ADAMTSL1: variants seen among roughly 807,000 people sequenced by gnomAD.
ADAMTSL1 encodes the protein ADAMTS like 1.
ADAMTSL1 carries 126 observed loss-of-function variants against 201.8 expected under a neutral mutation model. The ratio of observed to expected loss-of-function variants is 0.62; its 90% confidence interval spans 0.54 to 0.72. The LOEUF (loss-of-function observed/expected upper bound fraction) is 0.72. Ranked by LOEUF, ADAMTSL1 falls within the 30% of genes least tolerant of loss-of-function variation. The pLI is 0.00. For synonymous variants in ADAMTSL1, 1,121 were observed against 903.4 expected, an observed-to-expected ratio of 1.24 and a Z score of -4.32; for missense variants, 2,679 against 2,277.8, an observed-to-expected ratio of 1.18 and a Z score of -3.59.
intron 1 of ADAMTSL1, among the ~76,000 whole-genome samples, chr9:18,038,328 C>A (rs1312910051): frequency 6.6e-6 from 1 of 152,100 alleles, no homozygotes; most frequent in Non-Finnish European, 1.5e-5. Context: ...ATGGTCCATT[C>A]TCTCTATACT....
chr9:18,559,241 C>A (rs942107871), intron 3 of ADAMTSL1, among the ~76,000 whole-genome samples: 3 of 152,080 alleles, frequency 2.0e-5, no homozygotes, highest in African/African-American at 7.2e-5. Flanking sequence ...CCTGTTTTCC[C>A]AACACCATTT....
chr9:18,743,383 G>A lies in ADAMTSL1; in HGVS notation c.2007-9915G>A, dbSNP rs1007120124. ...TGAGATGGTAAATGTATATCTTGCT[G>A]CAAGTGCCATTTTTTTCAAGAGCTA... On this transcript the variant is annotated intron_variant, in intron 15 of 28. Coordinates refer to ENST00000380548, the MANE Select transcript of ADAMTSL1 (RefSeq NM_001040272.6). 1.3e-4 allele frequency among the ~76,000 whole-genome samples: 20 copies of A among 152,192 alleles called. 1 individual carries two copies. The highest frequency in any genetic ancestry group is 4.8e-4 in the African/African-American group (20 of 41,444).
At chr9:17,959,768 A>G (rs1817659918) in intron 1 of ADAMTSL1, among the ~76,000 whole-genome samples, 1 of 152,130 alleles carries the variant, frequency 6.6e-6, no homozygotes, top group African/African-American at 2.4e-5. Flanking sequence ...GACATTTTTT[A>G]GAAAAGTATA....
chr9:18,540,529 T>C (rs941685154), intron 3 of ADAMTSL1, among the ~76,000 whole-genome samples: 3 of 152,088 alleles, frequency 2.0e-5, no homozygotes, highest in Admixed American at 6.6e-5. Flanking sequence ...GGCCTGTGGG[T>C]CATTTTATCA....
chr9:18,380,976 G>C (rs888337991), intron 2 of ADAMTSL1, among the ~76,000 whole-genome samples: 7 of 152,282 alleles, frequency 4.6e-5, no homozygotes, highest in Non-Finnish European at 1.0e-4. Flanking sequence ...TGTGGGTAGC[G>C]TGTGTCTCCT....
chr9:17,948,184 C>G (rs1392624583), intron 1 of ADAMTSL1, among the ~76,000 whole-genome samples: 3 of 152,102 alleles, frequency 2.0e-5, no homozygotes, highest in Non-Finnish European at 2.9e-5. Flanking sequence ...CAAAGCATTA[C>G]CAAAAAATAA....
intron 20 of ADAMTSL1, among the ~76,000 whole-genome samples, chr9:18,809,568 T>C (rs1483275839): frequency 6.6e-6 from 1 of 152,176 alleles, no homozygotes; most frequent in African/African-American, 2.4e-5. Flanking sequence ...AGCAGGTGGA[T>C]CACCTGAGGT....
chr9:18,893,559 G>C (rs1829430040), intron 26 of ADAMTSL1, among the ~76,000 whole-genome samples: 1 of 152,200 alleles, frequency 6.6e-6, no homozygotes, highest in African/African-American at 2.4e-5. Context: ...GTCTGAGGTA[G>C]AACTGGGGAT....
intron 1 of ADAMTSL1, among the ~76,000 whole-genome samples, chr9:18,149,481 C>T (rs1826811262): frequency 6.6e-6 from 1 of 151,960 alleles, no homozygotes; most frequent in Non-Finnish European, 1.5e-5. Context: ...AAAAGTGGTA[C>T]AATTTAGTAC....
intron 5 of ADAMTSL1, among the ~76,000 whole-genome samples, chr9:18,623,243 C>CAAAAAAA (rs11313686): frequency 7.1e-6 from 1 of 140,736 alleles, no homozygotes; most frequent in Non-Finnish European, 1.5e-5. Flanking sequence ...TCAATACTAG[C>CAAAAAAA]AAAAAAAAAA....
chr9:18,017,617 C>T (rs985499044), intron 1 of ADAMTSL1, among the ~76,000 whole-genome samples: 1 of 151,954 alleles, frequency 6.6e-6, no homozygotes, highest in African/African-American at 2.4e-5. Flanking sequence ...GTTGGAAATC[C>T]TGTCTTTAGA....
intron 1 of ADAMTSL1, among the ~76,000 whole-genome samples, chr9:17,936,797 C>A (rs1178129006): frequency 6.6e-6 from 1 of 152,172 alleles, no homozygotes; most frequent in Admixed American, 6.5e-5. Context: ...CTGCTTTACT[C>A]CCCTTCCACA....
intron 1 of ADAMTSL1, among the ~76,000 whole-genome samples, chr9:18,154,937 G>C (rs1461566608): frequency 6.6e-6 from 1 of 151,960 alleles, no homozygotes; most frequent in Non-Finnish European, 1.5e-5. Flanking sequence ...TCCTGATTTT[G>C]TGTATTTACA....
At chr9:18,387,804 A>G (rs1430762708) in intron 2 of ADAMTSL1, among the ~76,000 whole-genome samples, 2 of 152,172 alleles carry the variant, frequency 1.3e-5, no homozygotes, top group Non-Finnish European at 2.9e-5. Flanking sequence ...GTGCAGAGCT[A>G]TGAATTAGTT....
chr9:17,978,334 AT>A (rs1160598438), intron 1 of ADAMTSL1, among the ~76,000 whole-genome samples: 3 of 151,740 alleles, frequency 2.0e-5, no homozygotes, highest in Non-Finnish European at 4.4e-5. Flanking sequence ...TGTTGTGTCC[AT>A]TGTTTTCTGG....
chr9:18,296,267 A>G (rs1207323689), intron 2 of ADAMTSL1, among the ~76,000 whole-genome samples: 1 of 152,218 alleles, frequency 6.6e-6, no homozygotes, highest in African/African-American at 2.4e-5. Flanking sequence ...AGTATAAAAC[A>G]TAACCAAATA....
At chr9:18,656,887 C>T (rs1453857460) in intron 7 of ADAMTSL1, among the ~76,000 whole-genome samples, 1 of 151,764 alleles carries the variant, frequency 6.6e-6, no homozygotes, top group East Asian at 1.9e-4. Flanking sequence ...TTTTCTCAAC[C>T]TTGTACTCTT....
chr9:18,722,550 A>G (rs1833457923), intron 15 of ADAMTSL1, among the ~76,000 whole-genome samples: 1 of 152,168 alleles, frequency 6.6e-6, no homozygotes, highest in African/African-American at 2.4e-5. Flanking sequence ...GCTGGTCACG[A>G]TGATGCACTG....
intron 2 of ADAMTSL1, among the ~76,000 whole-genome samples, chr9:18,514,280 G>C (rs544765929): frequency 2.0e-4 from 29 of 145,070 alleles, no homozygotes; most frequent in African/African-American, 7.4e-4. Flanking sequence ...AATTTCTTTT[G>C]TGGATAGTTT....
Sources: allele counts gnomAD v4.1 joint callset (sites outside exome capture counted in the v4.1 genomes callset), GRCh38; gene constraint gnomAD v4.1.1; transcripts MANE v1.5; gene names NCBI Gene and HGNC (gene_info 2026-07-23, HGNC 2026-07-21).